SCLT1: variants seen among roughly 807,000 people sequenced by gnomAD.
SCLT1 encodes the protein sodium channel and clathrin linker 1.
In SCLT1, 78 loss-of-function variants were observed where a neutral mutation model predicts 112.8. The observed-to-expected ratio is 0.69, with a 90% CI of 0.58 to 0.83. The LOEUF is 0.83. Among genes scored for constraint, SCLT1 ranks in the 40% least tolerant of loss-of-function variants. SCLT1 has a pLI of 0.00. For missense variants in SCLT1, 747 were observed against 770.4 expected, an observed-to-expected ratio of 0.97 and a Z score of 0.36; for synonymous variants, 257 against 254.7, an observed-to-expected ratio of 1.01 and a Z score of -0.09.
At chr4:128,897,886 A>T (rs1486855290) in intron 18 of SCLT1, among the ~76,000 whole-genome samples, 13 of 152,172 alleles carry the variant, frequency 8.5e-5, no homozygotes, top group African/African-American at 3.1e-4. Context: ...GTCTCTGATA[A>T]AACAGACTTT....
At chr4:129,028,091 G>A (rs1239246031) in intron 5 of SCLT1, among the ~76,000 whole-genome samples, 1 of 152,144 alleles carries the variant, frequency 6.6e-6, no homozygotes, top group Non-Finnish European at 1.5e-5. Flanking sequence ...TGTGAAAATG[G>A]CCAAACTGCC....
chr4:128,912,593 T>G (rs1250840580), intron 18 of SCLT1, among the ~76,000 whole-genome samples: 1 of 150,778 alleles, frequency 6.6e-6, no homozygotes, highest in Non-Finnish European at 1.5e-5. Flanking sequence ...TTCATATATA[T>G]AAATCTTGCC....
Position 129,044,030 on chromosome 4 carries a change from C to G in SCLT1, c.124G>C (p.Gly42Arg), listed in dbSNP as rs749094740. ...SVQKAVCQGEGDDTFENLVFD... is the reference protein window; with the variant it reads ...SVQKAVCQGERDDTFENLVFD... ...ACTAGGTTTTCAAATGTGTCGTCTC[C>G]TTCTCCTTGGCAGACAGCTTTCTAT... is the stretch of plus-strand genomic sequence containing the variant. The change falls in exon 3 of 21, where the codon GGA becomes CGA. Residue 42 changes from glycine (G) to arginine (R), a missense_variant. Gly to Arg is a moderately radical substitution (Grantham distance 125, BLOSUM62 -2). Transcript: ENST00000281142. The G allele has an allele frequency of 6.4e-7, 1 of 1,570,414 alleles. No individual in the cohort carries two copies. The highest frequency in any genetic ancestry group is 1.4e-5 in the African/African-American group (1 of 73,744).
chr4:129,044,036 C>T lies in SCLT1; in HGVS notation c.118G>A (p.Gly40Arg), dbSNP rs1284648341. ...YSSVQKAVCQGEGDDTFENLV... is the reference protein window; with the variant it reads ...YSSVQKAVCQREGDDTFENLV... ...TTTTCAAATGTGTCGTCTCCTTCTC[C>T]TTGGCAGACAGCTTTCTATAAAAGA... is the stretch of plus-strand genomic sequence containing the variant. The change falls in exon 3 of 21, where the codon GGA (glycine) becomes AGA (arginine). Residue 40 changes from glycine (G) to arginine (R), a missense_variant. By Grantham distance (125) the Gly-to-Arg change is moderately radical. Coordinates refer to ENST00000281142, the MANE Select transcript of SCLT1 (RefSeq NM_144643.4). 4 of 1,567,854 alleles carry T rather than the reference C, an allele frequency of 2.6e-6. No homozygotes were observed. The highest frequency in any genetic ancestry group is 2.6e-6 in the Non-Finnish European group (3 of 1,143,660).
intron 18 of SCLT1, among the ~76,000 whole-genome samples, chr4:128,928,103 G>T (rs1284964796): frequency 6.6e-6 from 1 of 151,594 alleles, no homozygotes; most frequent in Non-Finnish European, 1.5e-5. Flanking sequence ...TTGACTCAAC[G>T]ATAAAAAAAC....
chr4:128,894,016 T>C (rs552467465), intron 18 of SCLT1, among the ~76,000 whole-genome samples: 2 of 152,280 alleles, frequency 1.3e-5, no homozygotes, highest in East Asian at 3.9e-4. Context: ...CACGGCTCAC[T>C]GCAGCCTGCA....
At chr4:128,998,791 A>G (rs1481378679) in intron 7 of SCLT1, among the ~76,000 whole-genome samples, 3 of 151,812 alleles carry the variant, frequency 2.0e-5, no homozygotes, top group Non-Finnish European at 2.9e-5. Flanking sequence ...TCACATAAGT[A>G]TTTTTACAAT....
chr4:128,970,516 G>T (rs1302432554), intron 9 of SCLT1, 48 bp from the exon 10 acceptor site: 1 of 985,548 alleles, frequency 1.0e-6, no homozygotes, highest in Non-Finnish European at 1.6e-6. Flanking sequence ...AGACCACTAA[G>T]AATAAAAAAT....
At chr4:128,959,545 A>T in intron 12 of SCLT1, 55 bp downstream of exon 12, 1 of 1,339,500 alleles carries the variant, frequency 7.5e-7, no homozygotes, top group South Asian at 1.2e-5. Flanking sequence ...GTGAGGTCAC[A>T]TGGGAGAATA....
intron 9 of SCLT1, among the ~76,000 whole-genome samples, chr4:128,982,124 A>G (rs543106968): frequency 3.7e-4 from 57 of 152,304 alleles, no homozygotes; most frequent in South Asian, 1.7e-3. Context: ...TGGATGGTAC[A>G]ATTCACAAAT....
In SCLT1 at chr4:129,052,137, T is replaced by C. The variant is rs893431280; in HGVS notation, c.103-8086A>G. Among the ~76,000 whole-genome samples the C allele has an allele frequency of 2.6e-5, 4 of 152,362 alleles. No homozygotes were observed. In the East Asian group the frequency reaches 5.8e-4, roughly 22 times the overall value. On this transcript the variant is annotated intron_variant, in intron 2 of 20. Coordinates refer to ENST00000281142, the MANE Select transcript of SCLT1 (RefSeq NM_144643.4). Reference sequence around the variant, plus strand: ...TGAATTCTGTTTGCCAATATTTTATTGAGGAATTTCACATTGATGTTCATC... The same window carrying C: ...TGAATTCTGTTTGCCAATATTTTATCGAGGAATTTCACATTGATGTTCATC...
chr4:129,028,120 G>C (rs1282173315), intron 5 of SCLT1, among the ~76,000 whole-genome samples: 5 of 152,056 alleles, frequency 3.3e-5, no homozygotes, highest in Non-Finnish European at 7.4e-5. Flanking sequence ...TTTATAGATT[G>C]AATGCCATCC....
chr4:128,973,929 GA>G (rs961159710), intron 9 of SCLT1, among the ~76,000 whole-genome samples: 2 of 151,612 alleles, frequency 1.3e-5, no homozygotes, highest in African/African-American at 4.8e-5. Flanking sequence ...AGGAAGTGTT[GA>G]AAAAAAATCT....
chr4:128,942,875 G>A (rs1737818496), intron 17 of SCLT1, 121 bp downstream of exon 17: 1 of 629,052 alleles, frequency 1.6e-6, no homozygotes, highest in Non-Finnish European at 2.8e-6. Context: ...TTATGATTTA[G>A]TGCTATCTGA....
intron 2 of SCLT1, among the ~76,000 whole-genome samples, chr4:129,065,707 T>C (rs1005879961): frequency 2.6e-5 from 4 of 152,096 alleles, no homozygotes; most frequent in Admixed American, 2.6e-4. Context: ...TGTAATTTAT[T>C]GTAATCAGGA....
intron 5 of SCLT1, among the ~76,000 whole-genome samples, chr4:129,029,952 C>T (rs1252424448): frequency 6.6e-6 from 1 of 152,078 alleles, no homozygotes; most frequent in African/African-American, 2.4e-5. Flanking sequence ...AGCTCTGGAC[C>T]AAGCGGACCT....
chr4:129,005,153 G>C (rs936503037), intron 5 of SCLT1, among the ~76,000 whole-genome samples: 1 of 151,894 alleles, frequency 6.6e-6, no homozygotes, highest in Non-Finnish European at 1.5e-5. Flanking sequence ...CTTTTTAACC[G>C]TAGTATTCAG....
chr4:129,043,709 C>T (rs1453827591), intron 3 of SCLT1, among the ~76,000 whole-genome samples: 2 of 152,138 alleles, frequency 1.3e-5, no homozygotes, highest in African/African-American at 2.4e-5. Context: ...CATACTTGGC[C>T]TCTACCCATT....
intron 9 of SCLT1, among the ~76,000 whole-genome samples, chr4:128,985,869 G>C (rs1164464334): frequency 6.6e-6 from 1 of 152,134 alleles, no homozygotes; most frequent in Non-Finnish European, 1.5e-5. Flanking sequence ...ATAAGCCACT[G>C]TGCCCAGCCT....
Sources: allele counts gnomAD v4.1 joint callset (sites outside exome capture counted in the v4.1 genomes callset), GRCh38; gene constraint gnomAD v4.1.1; transcripts MANE v1.5; gene names NCBI Gene and HGNC (gene_info 2026-07-23, HGNC 2026-07-21).